The following SLC5A10 variants were observed in gnomAD, a reference collection of about 807,000 sequenced individuals.
SLC5A10 encodes the protein sodium/mannose cotransporter SLC5A10.
Under a neutral mutation model 68.9 loss-of-function variants are expected in SLC5A10, and 55 were observed. The observed-to-expected ratio is 0.80, with a 90% confidence interval of 0.64 to 1.00. The LOEUF (loss-of-function observed/expected upper bound fraction) is 1.00. Ranked by LOEUF, SLC5A10 falls within the 50% of genes least tolerant of loss-of-function variation. The pLI is 0.00. For missense variants in SLC5A10, 732 were observed against 819.3 expected (o/e 0.89, Z 1.30); for synonymous variants, 344 against 344.8 (o/e 1.00, Z 0.02).
rs1006490447 is a variant in SLC5A10, at chr17:19,022,380, G to A, written c.*1949G>A. ...TACATAGAACACGGCTTTCCCAGCC[G>A]CCCAGCTGGGACAATAGGGCTGGTG... On this transcript the variant is annotated 3_prime_UTR_variant, in exon 15 of 15. Transcript: ENST00000395645. The A allele has an allele frequency of 1.8e-5, 7 of 392,674 alleles. No homozygotes were observed. The highest frequency in any genetic ancestry group is 8.2e-5 in the African/African-American group (4 of 48,548). 24.3% of individuals were successfully genotyped at this position (392,674 alleles called of 1,614,324 possible).
chr17:18,979,654 C>G (rs201510193), intron 9 of SLC5A10: 1 of 1,613,502 alleles, frequency 6.2e-7, no homozygotes, highest in Non-Finnish European at 8.5e-7. Flanking sequence ...AGTTCCCCCG[C>G]TGCTCCGCAC....
rs1162390352 is a variant in SLC5A10, at chr17:18,996,113, CAAT to C, written c.983-17295_983-17293del. ...TCACTGCAAGCCACAAGACAACAGG[CAAT>C]ATCTTTAAAGTACTAAATGGAAAAA... On this transcript the variant is annotated intron_variant, in intron 9 of 14. Transcript: ENST00000395645. This position sits in a 1 kb window ranked among gnomAD's most constrained non-coding sequence, Gnocchi z 4.4. 6.8e-6 allele frequency among the ~76,000 whole-genome samples: 1 copy of C among 146,934 alleles called. No homozygotes were observed. The highest frequency in any genetic ancestry group is 1.5e-5 in the Non-Finnish European group (1 of 67,238).
At chr17:18,975,889 T>C (rs2042963716) in intron 8 of SLC5A10, 1 of 151,890 alleles carries the variant, frequency 6.6e-6, no homozygotes, top group South Asian at 2.1e-4. Context: ...TAAAGCTGTT[T>C]AAAAAGTAAC....
rs531327703 is a variant in SLC5A10, at chr17:18,999,474, C to T, written c.983-13936C>T. Among the ~76,000 whole-genome samples, 3 of 152,222 alleles carry T rather than the reference C, an allele frequency of 2.0e-5. No homozygotes were observed. The South Asian group carries it at 6.2e-4, about 32-fold the overall frequency. ...CCTCCAGATATCAGTTCTGTGACCT[C>T]AGGCCAGTTATTTGCCATCTCCGAG... On this transcript the variant is annotated intron_variant, in intron 9 of 14. Transcript: ENST00000395645.
At chr17:18,986,192 C>A (rs1433926455) in intron 9 of SLC5A10, 3 of 152,298 alleles carry the variant, frequency 2.0e-5, no homozygotes, top group East Asian at 3.9e-4. Flanking sequence ...ACTTCCCCTG[C>A]CCATAGTGGG....
intron 9 of SLC5A10, among the ~76,000 whole-genome samples, chr17:19,007,513 C>G (rs1318883705): frequency 6.6e-6 from 1 of 152,170 alleles, no homozygotes; most frequent in Non-Finnish European, 1.5e-5. Flanking sequence ...AGCCGTCCTC[C>G]CACTTCAGCC....
chr17:19,017,212 A>C lies in SLC5A10; in HGVS notation c.1241+2013A>C. ...CTGGGCCCCAGTTCTCTCAGCTGCCAGCTGGATAGAGCAGAAAGGGCCCCG... is the reference window on the plus strand; with the variant it reads ...CTGGGCCCCAGTTCTCTCAGCTGCCCGCTGGATAGAGCAGAAAGGGCCCCG... On this transcript the variant is annotated intron_variant, in intron 11 of 14. Transcript: ENST00000395645. This position sits in a 1 kb window ranked among gnomAD's most constrained non-coding sequence, Gnocchi z 5.6. 1.5e-6 allele frequency: 2 copies of C among 1,371,414 alleles called. No homozygotes were observed. The highest frequency in any genetic ancestry group is 4.0e-5 in the Admixed American group (2 of 50,230). The allele number at this position is 1,371,414 out of a possible 1,614,324, so 85.0% of individuals were successfully genotyped here.
chr17:18,983,940 T>G (rs2043199498), intron 9 of SLC5A10, among the ~76,000 whole-genome samples: 1 of 152,190 alleles, frequency 6.6e-6, no homozygotes, highest in African/African-American at 2.4e-5. Flanking sequence ...TCCCCGGCAG[T>G]GTAGGATGTT....
chr17:18,993,698 G>T (rs79537227), intron 9 of SLC5A10, among the ~76,000 whole-genome samples: 1 of 152,146 alleles, frequency 6.6e-6, no homozygotes, highest in Non-Finnish European at 1.5e-5. Context: ...AAGTGCCGGG[G>T]GTGGACAGAG....
intron 1 of SLC5A10, among the ~76,000 whole-genome samples, chr17:18,956,196 AAAATAAATAAATAAATAAATAAATAAAT>A (rs71155382): frequency 1.4e-5 from 2 of 143,872 alleles, no homozygotes; most frequent in African/African-American, 5.1e-5. Context: ...CTCTGTCTCA[AAAATAAATAAATAAATAAATAAATAAAT>A]AAATAAATAA....
rs181164151 is a variant in SLC5A10 at position 18,996,255 on chromosome 17, C to T, written c.983-17155C>T. ...TGAGAGAATTCATTACCAGCAGACC[C>T]GCACTCCCTCCTCCAGCTGCAACCC... is the stretch of plus-strand genomic sequence containing the variant. On this transcript the variant is annotated intron_variant, in intron 9 of 14. Transcript: ENST00000395645. This position sits in a 1 kb window ranked among gnomAD's most constrained non-coding sequence, Gnocchi z 4.4. Among the ~76,000 whole-genome samples the T allele has an allele frequency of 5.9e-5, 9 of 152,238 alleles. No individual in the cohort carries two copies. Among genetic ancestry groups the T allele is most frequent in the Non-Finnish European group, 4.4e-5 (3 of 68,018 alleles).
Position 19,021,769 on chromosome 17 carries a change from G to T in SLC5A10, c.*1338G>T. ...GGAAGCCCCGGAGCTACCCTTGCTG[G>T]GTACCCTTGCTGGGGGACCTGGGCC... is the stretch of plus-strand genomic sequence containing the variant. On this transcript the variant is annotated 3_prime_UTR_variant, in exon 15 of 15. Coordinates refer to ENST00000395645, the MANE Select transcript of SLC5A10 (RefSeq NM_001042450.4). The surrounding 1 kb of genome is among the most constrained non-coding windows in gnomAD (Gnocchi z 4.1). 2.1e-6 allele frequency: 1 copy of T among 468,050 alleles called. No individual in the cohort carries two copies. 29.0% of individuals were successfully genotyped at this position (468,050 alleles called of 1,614,324 possible). A position where few individuals can be genotyped will look rare whatever the true frequency, so the allele number is the denominator to read the frequency against.
In SLC5A10 at chr17:19,019,861, T is replaced by C. The variant is rs1567817800; in HGVS notation, c.1559T>C (p.Leu520Pro). ...CACTACCTGCACTTCGCTGTCGCCCTCTTTGCACTCAGTGGTGCTGTTGTG... is the reference window on the plus strand; with the variant it reads ...CACTACCTGCACTTCGCTGTCGCCCCCTTTGCACTCAGTGGTGCTGTTGTG... ...SIHYLHFAVA[L>P]FALSGAVVVA... Residue 520 changes from leucine to proline, a missense_variant, in exon 13 of 15, where the codon CTC becomes CCC. Transcript: ENST00000395645. 1 of 1,613,338 alleles carries C rather than the reference T, an allele frequency of 6.2e-7. No individual in the cohort carries two copies. The highest frequency in any genetic ancestry group is 1.1e-5 in the South Asian group (1 of 90,988).
intron 5 of SLC5A10, among the ~76,000 whole-genome samples, 189 bp downstream of exon 5, chr17:18,960,841 G>A (rs1052599339): frequency 6.6e-6 from 1 of 152,196 alleles, no homozygotes; most frequent in African/African-American, 2.4e-5. Context: ...CAGGGCCCCC[G>A]GGGTGTAGGC....
chr17:18,958,695 C>A lies in SLC5A10; in HGVS notation c.125C>A (p.Ala42Asp), dbSNP rs751279865. The A allele has an allele frequency of 6.2e-7, 1 of 1,614,174 alleles. No individual in the cohort carries two copies. Among genetic ancestry groups the A allele is most frequent in the South Asian group, 1.1e-5 (1 of 91,078 alleles). The change falls in exon 2 of 15, where the codon GCC (alanine) becomes GAC (aspartate). Residue 42 changes from alanine to aspartate, a missense_variant. Ala to Asp is a moderately radical substitution (Grantham distance 126). Coordinates refer to ENST00000395645, the MANE Select transcript of SLC5A10 (RefSeq NM_001042450.4). ...CTCCTCTTGCAGTCCTCTTGTCGGG[C>A]CAGTAGGAACACGGTGAATGGCTAC... ...VAVGIWSSCR[A>D]SRNTVNGYFL...
intron 5 of SLC5A10, 134 bp downstream of exon 5, chr17:18,960,786 G>A: frequency 1.1e-6 from 1 of 869,716 alleles, no homozygotes; most frequent in Non-Finnish European, 1.8e-6. Flanking sequence ...CCAGAGAGGG[G>A]CAATGACTTG....
At chr17:19,010,242 A>T (rs1410245130) in intron 9 of SLC5A10, among the ~76,000 whole-genome samples, 1 of 152,190 alleles carries the variant, frequency 6.6e-6, no homozygotes, top group Non-Finnish European at 1.5e-5. Context: ...TTCGCCTAAT[A>T]ATCAAACAGG....
Position 18,971,322 on chromosome 17 carries a change from G to C in SLC5A10, c.846+104G>C. 1.2e-6 allele frequency: 2 copies of C among 1,606,802 alleles called. No individual in the cohort carries two copies. Among genetic ancestry groups the C allele is most frequent in the Non-Finnish European group, 8.5e-7 (1 of 1,175,338 alleles). ...CCTCCGCGTCATGAGTCTGGGCTGG[G>C]GCCTCAGAAGGTGTGGCTCCAGGCT... On this transcript the variant is annotated intron_variant, in intron 8 of 14. Coordinates refer to ENST00000395645, the MANE Select transcript of SLC5A10 (RefSeq NM_001042450.4). The surrounding 1 kb of genome is among the most constrained non-coding windows in gnomAD (Gnocchi z 5.5).
At chr17:19,009,090 G>A (rs1307138047) in intron 9 of SLC5A10, among the ~76,000 whole-genome samples, 1 of 152,142 alleles carries the variant, frequency 6.6e-6, no homozygotes, top group African/African-American at 2.4e-5. Flanking sequence ...TAGGATTACA[G>A]GCATGAGCCA....
Sources: allele counts gnomAD v4.1 joint callset (sites outside exome capture counted in the v4.1 genomes callset), GRCh38; gene constraint gnomAD v4.1.1; non-coding constraint Gnocchi (gnomAD v3.1); transcripts MANE v1.5; gene names NCBI Gene and HGNC (gene_info 2026-07-23, HGNC 2026-07-21).